SH3RF2: variants seen among roughly 807,000 people sequenced by gnomAD.
The protein encoded by SH3RF2 is SH3 domain containing ring finger 2.
A neutral mutation model predicts 59.0 loss-of-function variants in SH3RF2; 43 were observed. That is an observed-to-expected ratio of 0.73 (90% CI 0.57 to 0.94). SH3RF2 has a LOEUF of 0.94. Ranked by LOEUF, SH3RF2 falls within the 40% of genes least tolerant of loss-of-function variation. The pLI, the probability that SH3RF2 is intolerant of heterozygous loss-of-function variation, is 0.00. For synonymous variants in SH3RF2, 391 were observed against 391.5 expected (o/e 1.00, Z 0.01); for missense variants, 930 against 940.1 (o/e 0.99, Z 0.14).
At chr5:145,948,896 G>T (rs116089048) in intron 2 of SH3RF2, among the ~76,000 whole-genome samples, 1,810 of 152,334 alleles carry the variant, frequency 0.012, 15 homozygotes, top group Non-Finnish European at 0.019. Context: ...GGGTAAGGAG[G>T]TGTCTTGTCC....
At chr5:146,044,985 C>T (rs1047342575) in intron 5 of SH3RF2, among the ~76,000 whole-genome samples, 1 of 152,222 alleles carries the variant, frequency 6.6e-6, no homozygotes, top group African/African-American at 2.4e-5. Context: ...GAAAAGATGG[C>T]TTTGCATTCT....
chr5:145,948,098 T>A (rs1016663954), intron 2 of SH3RF2, among the ~76,000 whole-genome samples: 3 of 152,202 alleles, frequency 2.0e-5, no homozygotes, highest in Non-Finnish European at 2.9e-5. Context: ...TTACTATGTG[T>A]CATTCACTGG....
At chr5:146,035,135 T>C (rs1219510313) in intron 5 of SH3RF2, among the ~76,000 whole-genome samples, 1 of 151,788 alleles carries the variant, frequency 6.6e-6, no homozygotes, top group African/African-American at 2.4e-5. Context: ...AGACAACTGC[T>C]TTGATAATGG....
chr5:146,021,984 T>G (rs1336999782), intron 5 of SH3RF2, among the ~76,000 whole-genome samples: 1 of 152,240 alleles, frequency 6.6e-6, no homozygotes, highest in Non-Finnish European at 1.5e-5. Flanking sequence ...TAAAACTTTT[T>G]AGCAGTCAAA....
intron 2 of SH3RF2, among the ~76,000 whole-genome samples, chr5:145,949,576 A>T (rs2149944818): frequency 6.6e-6 from 1 of 152,304 alleles, no homozygotes; most frequent in Non-Finnish European, 1.5e-5. Context: ...AGGAGAGGTA[A>T]TCTTCTGGAT....
chr5:146,073,638 G>A (rs1763280935), intron 9 of SH3RF2, among the ~76,000 whole-genome samples: 1 of 152,116 alleles, frequency 6.6e-6, no homozygotes. Context: ...AAAAATCAAT[G>A]TCACTTCATT....
chr5:145,980,837 T>C (rs1759478438), intron 2 of SH3RF2, among the ~76,000 whole-genome samples: 1 of 152,194 alleles, frequency 6.6e-6, no homozygotes. Context: ...TGAATGCTTA[T>C]ATACCTATCG....
downstream of SH3RF2, among the ~76,000 whole-genome samples, chr5:146,065,449 A>G (rs2150026337): frequency 6.6e-6 from 1 of 152,354 alleles, no homozygotes; most frequent in South Asian, 2.1e-4. Flanking sequence ...CTGGCCGACC[A>G]AATATTTAGT....
At chr5:146,018,520 ACACACACAC>A (rs1224208074) in intron 5 of SH3RF2, among the ~76,000 whole-genome samples, 2 of 147,546 alleles carry the variant, frequency 1.4e-5, no homozygotes, top group East Asian at 4.3e-4. Flanking sequence ...ACACCCACAC[ACACACACAC>A]CACATTTTCT....
chr5:146,050,539 A>C (rs1383067535), intron 7 of SH3RF2, among the ~76,000 whole-genome samples: 1 of 152,234 alleles, frequency 6.6e-6, no homozygotes, highest in Non-Finnish European at 1.5e-5. Context: ...GAAATTTGTT[A>C]CAAAGTTGTA....
At chr5:146,063,894 G>T (rs968051115), downstream of SH3RF2, among the ~76,000 whole-genome samples, 3 of 152,012 alleles carry the variant, frequency 2.0e-5, no homozygotes, top group Non-Finnish European at 4.4e-5. Context: ...AGCACAACAT[G>T]CTAAAAAACA....
chr5:145,993,039 C>T lies in SH3RF2; in HGVS notation c.379-7019C>T, dbSNP rs115893508. On this transcript the variant is annotated intron_variant, in intron 2 of 9. Transcript: ENST00000359120. ...TAACTTACTAGATACAGTGGGGGTA[C>T]AGGCATTGGGTGAATACAGCCATTT... 6.8e-3 allele frequency among the ~76,000 whole-genome samples: 1,035 copies of T among 152,232 alleles called. 15 individuals are homozygous for T. Among genetic ancestry groups the T allele is most frequent in the African/African-American group, 0.024 (1,008 of 41,532 alleles).
At chr5:145,963,143 C>T (rs1050772871) in intron 2 of SH3RF2, among the ~76,000 whole-genome samples, 1 of 151,854 alleles carries the variant, frequency 6.6e-6, no homozygotes, top group African/African-American at 2.4e-5. Flanking sequence ...ATAATCCACC[C>T]ACCTCGGCCT....
chr5:146,033,886 T>C (rs1413737699), intron 5 of SH3RF2, among the ~76,000 whole-genome samples: 3 of 152,204 alleles, frequency 2.0e-5, no homozygotes, highest in African/African-American at 7.2e-5. Flanking sequence ...CCCACAAATA[T>C]ATCCCCATTG....
intron 5 of SH3RF2, among the ~76,000 whole-genome samples, chr5:146,040,949 C>T (rs1762103055): frequency 6.6e-6 from 1 of 152,194 alleles, no homozygotes; most frequent in Non-Finnish European, 1.5e-5. Flanking sequence ...TTCCATATTA[C>T]TAGGGACACG....
At chr5:146,073,720 G>C (rs557467186) in intron 9 of SH3RF2, among the ~76,000 whole-genome samples, 1 of 151,970 alleles carries the variant, frequency 6.6e-6, no homozygotes, top group African/African-American at 2.4e-5. Context: ...GTGTTGTTCC[G>C]TACAGTTGGG....
chr5:145,952,125 G>T (rs1277910449), intron 2 of SH3RF2, among the ~76,000 whole-genome samples: 1 of 152,050 alleles, frequency 6.6e-6, no homozygotes, highest in African/African-American at 2.4e-5. Context: ...TATTATTATT[G>T]CCACTCTCTC....
At chr5:146,074,259 T>C (rs1350377432) in intron 9 of SH3RF2, among the ~76,000 whole-genome samples, 1 of 152,102 alleles carries the variant, frequency 6.6e-6, no homozygotes, top group African/African-American at 2.4e-5. Context: ...CACTTTTTCA[T>C]TTATCAAACA....
intron 2 of SH3RF2, among the ~76,000 whole-genome samples, chr5:145,953,556 T>G (rs1758275369): frequency 6.6e-6 from 1 of 152,212 alleles, no homozygotes; most frequent in African/African-American, 2.4e-5. Flanking sequence ...ATTTATTTAC[T>G]TGTTTAACTT....
Sources: gnomAD v4.1 joint callset for allele counts (sites outside exome capture counted in the v4.1 genomes callset) on GRCh38, gnomAD v4.1.1 for gene constraint, MANE v1.5 for transcripts, NCBI Gene and HGNC (gene_info 2026-07-23, HGNC 2026-07-21) for gene names.